Variants in FBXW10B observed in about 807,000 individuals in gnomAD.
The protein encoded by FBXW10B is F-box and WD repeat domain containing protein 10B.
At chr17:15,614,059 G>A in the FBXW10B span, 9,729 of 1,606,346 alleles carry the variant, frequency 6.1e-3, 500 homozygotes, top group African/African-American at 0.11. Flanking sequence ...AGAAAGGTAC[G>A]TGGTTGAGTT....
At chr17:15,608,559 T>C in the FBXW10B span, among the ~76,000 whole-genome samples, 1 of 152,174 alleles carries the variant, frequency 6.6e-6, no homozygotes, top group South Asian at 2.1e-4. Context: ...GTTCAGGCAA[T>C]TCTCCTGCCT....
the FBXW10B span, among the ~76,000 whole-genome samples, chr17:15,599,155 T>C: frequency 7.7e-6 from 1 of 129,870 alleles, no homozygotes; most frequent in Non-Finnish European, 1.6e-5. Flanking sequence ...AGCTTGCCAA[T>C]AGAGCGAGAC....
the FBXW10B span, among the ~76,000 whole-genome samples, chr17:15,616,500 C>T: frequency 6.6e-6 from 1 of 151,954 alleles, no homozygotes; most frequent in Non-Finnish European, 1.5e-5. Flanking sequence ...AGAGAGTCTG[C>T]TCTAAGAAAA....
the FBXW10B span, among the ~76,000 whole-genome samples, chr17:15,601,408 CAAAAA>C: frequency 1.5e-5 from 1 of 66,618 alleles, no homozygotes; most frequent in Admixed American, 1.6e-4. Context: ...GACTCCGTCT[CAAAAA>C]AAAAAAAAAA....
the FBXW10B span, among the ~76,000 whole-genome samples, chr17:15,612,342 C>G: frequency 6.7e-6 from 1 of 149,912 alleles, no homozygotes; most frequent in Non-Finnish European, 1.5e-5. Context: ...CCCGCCTCTA[C>G]TAAAAAAAAA....
the FBXW10B span, among the ~76,000 whole-genome samples, chr17:15,567,075 T>C: frequency 2.7e-5 from 4 of 150,642 alleles, no homozygotes; most frequent in African/African-American, 9.7e-5. Flanking sequence ...ATCCAGACCA[T>C]CCTGGCTAAC....
chr17:15,610,764 A>C, the FBXW10B span, among the ~76,000 whole-genome samples: 1 of 152,166 alleles, frequency 6.6e-6, no homozygotes, highest in African/African-American at 2.4e-5. Context: ...AGAATGTCAA[A>C]CACTGGCTGG....
chr17:15,593,254 A>C, the FBXW10B span: 1 of 1,600,428 alleles, frequency 6.2e-7, no homozygotes, highest in Non-Finnish European at 8.5e-7. Context: ...CAGCAAATCC[A>C]GGGCTGGTAT....
the FBXW10B span, among the ~76,000 whole-genome samples, chr17:15,596,177 C>A: frequency 6.6e-6 from 1 of 152,068 alleles, no homozygotes; most frequent in African/African-American, 2.4e-5. Flanking sequence ...TGAGCCACTG[C>A]GCCTGGCCCT....
At chr17:15,568,855 A>G in the FBXW10B span, 5 of 1,230,352 alleles carry the variant, frequency 4.1e-6, no homozygotes, top group Non-Finnish European at 5.1e-6. Context: ...TGTCTTTTCA[A>G]CCCCCTGATT....
the FBXW10B span, among the ~76,000 whole-genome samples, chr17:15,582,155 G>A: frequency 2.0e-5 from 3 of 147,760 alleles, no homozygotes; most frequent in Non-Finnish European, 4.5e-5. Flanking sequence ...GGGAAGAGCC[G>A]ATGGTTTTTG....
the FBXW10B span, chr17:15,618,977 C>T: frequency 1.2e-6 from 2 of 1,603,408 alleles, no homozygotes; most frequent in East Asian, 4.5e-5. Flanking sequence ...TCTTCGGGGG[C>T]CCTCTAGTCT....
At chr17:15,604,086 A>C in the FBXW10B span, among the ~76,000 whole-genome samples, 1 of 150,296 alleles carries the variant, frequency 6.7e-6, no homozygotes, top group Admixed American at 6.7e-5. Flanking sequence ...TCTCAAAAAA[A>C]AAAAACAAAA....
chr17:15,583,753 A>G, the FBXW10B span, among the ~76,000 whole-genome samples: 2 of 152,102 alleles, frequency 1.3e-5, no homozygotes, highest in Non-Finnish European at 1.5e-5. Context: ...CCAACAAATG[A>G]GCCTGAGTAT....
the FBXW10B span, among the ~76,000 whole-genome samples, chr17:15,601,884 G>A: frequency 6.6e-6 from 1 of 152,084 alleles, no homozygotes; most frequent in African/African-American, 2.4e-5. Context: ...AGGCCGAGGC[G>A]GGCAAATCAC....
chr17:15,581,565 A>G, the FBXW10B span, among the ~76,000 whole-genome samples: 28,730 of 147,828 alleles, frequency 0.19, 2,954 homozygotes, highest in Middle Eastern at 0.24. Flanking sequence ...ACAGCCCTCT[A>G]TTCTTCCACT....
the FBXW10B span, among the ~76,000 whole-genome samples, chr17:15,566,813 C>A: frequency 1.3e-5 from 2 of 151,764 alleles, no homozygotes; most frequent in East Asian, 4.0e-4. Flanking sequence ...ATCCGCCCGC[C>A]TCGGCCTCCC....
At chr17:15,579,208 G>A in the FBXW10B span, among the ~76,000 whole-genome samples, 2 of 151,850 alleles carry the variant, frequency 1.3e-5, no homozygotes, top group African/African-American at 4.9e-5. Context: ...CAATCTCCAC[G>A]TTCTGAATGT....
chr17:15,612,324 G>A, the FBXW10B span, among the ~76,000 whole-genome samples: 92 of 151,822 alleles, frequency 6.1e-4, no homozygotes, highest in African/African-American at 1.9e-3. Flanking sequence ...GGGCTAACAC[G>A]GTGAAACCCC....
Sources: allele counts gnomAD v4.1 joint callset (sites outside exome capture counted in the v4.1 genomes callset), GRCh38; gene constraint gnomAD v4.1.1; transcripts MANE v1.5; gene names NCBI Gene and HGNC (gene_info 2026-07-23, HGNC 2026-07-21).